TMEM17: variants seen among roughly 807,000 people sequenced by gnomAD.
The protein encoded by TMEM17 is transmembrane protein 17.
TMEM17 carries 15 observed loss-of-function variants against 19.1 expected under a neutral mutation model. The observed-to-expected ratio is 0.78, with a 90% CI of 0.52 to 1.21. The LOEUF is 1.21. Ranked by LOEUF, TMEM17 falls within the 50% of genes most tolerant of loss-of-function variation. The probability of loss-of-function intolerance (pLI) is 0.00; values close to 1 mark genes in which losing one functional copy is unlikely to be tolerated. For missense variants in TMEM17, 245 were observed against 242.3 expected, an observed-to-expected ratio of 1.01 and a Z score of -0.07; for synonymous variants, 103 against 86.9, an observed-to-expected ratio of 1.19 and a Z score of -1.03.
chr2:62,463,443 G>A, the TMEM17 span: 1 of 152,216 alleles, frequency 6.6e-6, no homozygotes, highest in Non-Finnish European at 1.5e-5. Context: ...AGATCTGCTG[G>A]TGGATCTAAA....
the TMEM17 span, among the ~76,000 whole-genome samples, chr2:62,471,627 C>G: frequency 1.3e-5 from 2 of 152,186 alleles, no homozygotes; most frequent in Admixed American, 1.3e-4. Context: ...AGCAGGTGCT[C>G]AATAAATGCA....
At chr2:62,481,359 T>C in the TMEM17 span, among the ~76,000 whole-genome samples, 2,136 of 152,324 alleles carry the variant, frequency 0.014, 23 homozygotes, top group Middle Eastern at 0.034. Flanking sequence ...CAGGTTTTTC[T>C]ATATGTAAGA....
At chr2:62,468,400 A>G in the TMEM17 span, among the ~76,000 whole-genome samples, 2 of 152,224 alleles carry the variant, frequency 1.3e-5, no homozygotes, top group Non-Finnish European at 2.9e-5. Context: ...GGGACCCCAC[A>G]TCTTCGTTTG....
downstream of TMEM17, among the ~76,000 whole-genome samples, chr2:62,496,984 A>G (rs1679793887): frequency 6.6e-6 from 1 of 152,212 alleles, no homozygotes; most frequent in Non-Finnish European, 1.5e-5. Flanking sequence ...ATAATCTAAT[A>G]ACTGTGGGTG....
the TMEM17 span, among the ~76,000 whole-genome samples, chr2:62,472,702 G>A: frequency 6.6e-6 from 1 of 152,184 alleles, no homozygotes. Flanking sequence ...GCAATGGGGT[G>A]GTAGATTGCT....
rs1679919170 is a variant in TMEM17 at position 62,501,238 on chromosome 2, T to C, written c.568A>G (p.Arg190Gly). 2 of 1,614,226 alleles carry C rather than the reference T, an allele frequency of 1.2e-6. No individual in the cohort carries two copies. The highest frequency in any genetic ancestry group is 2.7e-5 in the African/African-American group (2 of 75,060). Residue 190 changes from arginine (R) to glycine (G), a missense_variant, in exon 4 of 4, where the codon AGG becomes GGG. By Grantham distance (125) the Arg-to-Gly change is moderately radical. Transcript: ENST00000335390. ...ATCTCTTCTATACATGACCTCATCCTTCTCATGTCTCCTCTGTTTGCAGAG... is the reference window on the plus strand; with the variant it reads ...ATCTCTTCTATACATGACCTCATCCCTCTCATGTCTCCTCTGTTTGCAGAG... ...RLSANRGDMR[R>G]MRSCIEEI
At chr2:62,502,590 A>G (rs1558723440) in intron 2 of TMEM17, 40 bp from the exon 3 acceptor site, 2 of 1,480,310 alleles carry the variant, frequency 1.4e-6, no homozygotes, top group East Asian at 2.3e-5. Context: ...AATCTCATGT[A>G]TAGTAACATT....
the TMEM17 span, among the ~76,000 whole-genome samples, chr2:62,469,148 A>C: frequency 6.6e-6 from 1 of 152,246 alleles, no homozygotes; most frequent in African/African-American, 2.4e-5. Context: ...CTATACAGGC[A>C]ACACTTAGTA....
At chr2:62,478,009 C>T in the TMEM17 span, among the ~76,000 whole-genome samples, 2 of 152,222 alleles carry the variant, frequency 1.3e-5, no homozygotes, top group African/African-American at 4.8e-5. Context: ...CACCAATTGC[C>T]ATTAAACCTC....
chr2:62,489,006 A>C, the TMEM17 span, among the ~76,000 whole-genome samples: 6 of 152,120 alleles, frequency 3.9e-5, no homozygotes, highest in Non-Finnish European at 7.4e-5. Context: ...TTCCACGGAC[A>C]CCCTTACCAG....
Position 62,501,493 on chromosome 2 carries a change from A to G in TMEM17, c.319-6T>C, listed in dbSNP as rs555687389. 3 of 1,608,702 alleles carry G rather than the reference A, an allele frequency of 1.9e-6. No homozygotes were observed. The highest frequency in any genetic ancestry group is 1.7e-5 in the Admixed American group (1 of 58,902). On this transcript the variant is annotated splice_polypyrimidine_tract_variant and splice_region_variant and intron_variant, in intron 3 of 3. Transcript: ENST00000335390. ...AAGCCAGCCAACTCAGGAACCTGCA[A>G]TGACACATATCAAGAGTAATAAAAA...
Position 62,500,255 on chromosome 2 carries a change from TA to T in TMEM17, c.*953del, listed in dbSNP as rs1558721688. On this transcript the variant is annotated 3_prime_UTR_variant, in exon 4 of 4. Transcript: ENST00000335390. ...ACCTTAAATATTTAATAATTTATTG[TA>T]AAAGCATTTTGTATACCACCATTAC... is the stretch of plus-strand genomic sequence containing the variant. 1 of 152,210 alleles carries T rather than the reference TA, an allele frequency of 6.6e-6. No individual in the cohort carries two copies. Among genetic ancestry groups the T allele is most frequent in the Non-Finnish European group, 1.5e-5 (1 of 68,038 alleles). The allele number at this position is 152,210 out of a possible 1,614,324, so 9.4% of individuals were successfully genotyped here. A position where few individuals can be genotyped will look rare whatever the true frequency, so the allele number is the denominator to read the frequency against.
At chr2:62,498,732 A>AT (rs1168257279), downstream of TMEM17, among the ~76,000 whole-genome samples, 7 of 151,128 alleles carry the variant, frequency 4.6e-5, no homozygotes, top group African/African-American at 1.5e-4. Context: ...AAAATAAAAT[A>AT]AAATAAAATA....
the TMEM17 span, among the ~76,000 whole-genome samples, chr2:62,457,840 C>T: frequency 6.6e-6 from 1 of 151,836 alleles, no homozygotes; most frequent in South Asian, 2.1e-4. The surrounding 1 kb of genome is among the most constrained non-coding windows in gnomAD (Gnocchi z 4.2). Flanking sequence ...CACTGCTTTG[C>T]CGCTGAACCC....
chr2:62,488,438 G>A, the TMEM17 span, among the ~76,000 whole-genome samples: 1 of 148,632 alleles, frequency 6.7e-6, no homozygotes, highest in South Asian at 2.1e-4. Context: ...TAGACAATTT[G>A]TAACAAGCAA....
Position 62,502,770 on chromosome 2 carries a change from G to T in TMEM17, c.125C>A (p.Ala42Glu), listed in dbSNP as rs757578627. Reference protein sequence around the residue: ...GPENEMVSSLALQMSLYFNTY... With the variant: ...GPENEMVSSLELQMSLYFNTY... The stretch of plus-strand genomic sequence containing the variant: ...ATTAAAATAAAGTGACATCTGCAGT[G>T]CCAAACTGGAGACCATTTCATTTTC... Residue 42 changes from alanine (A) to glutamate (E), a missense_variant, in exon 2 of 4, where the codon GCA becomes GAA. Transcript: ENST00000335390. 14 of 1,606,200 alleles carry T rather than the reference G, an allele frequency of 8.7e-6. No individual in the cohort carries two copies. The highest frequency in any genetic ancestry group is 1.2e-5 in the Non-Finnish European group (14 of 1,177,382).
chr2:62,458,553 T>G, the TMEM17 span, among the ~76,000 whole-genome samples: 1 of 152,338 alleles, frequency 6.6e-6, no homozygotes. Flanking sequence ...GGGCAGAGCG[T>G]GACCCATCTC....
At chr2:62,494,724 C>T in the TMEM17 span, among the ~76,000 whole-genome samples, 2 of 152,100 alleles carry the variant, frequency 1.3e-5, no homozygotes, top group Non-Finnish European at 2.9e-5. Context: ...ACATTTTTGG[C>T]CGGACGCAGT....
chr2:62,504,931 A>C (rs1476007553), intron 1 of TMEM17, among the ~76,000 whole-genome samples: 1 of 152,184 alleles, frequency 6.6e-6, no homozygotes, highest in African/African-American at 2.4e-5. Context: ...AATATTTACT[A>C]TCTGGTCCTT....
Sources: gnomAD v4.1 joint callset for allele counts (sites outside exome capture counted in the v4.1 genomes callset) on GRCh38, gnomAD v4.1.1 for gene constraint, Gnocchi (gnomAD v3.1) non-coding constraint, MANE v1.5 for transcripts, NCBI Gene and HGNC (gene_info 2026-07-23, HGNC 2026-07-21) for gene names.